The following PID1 variants were observed in gnomAD, a reference collection of about 807,000 sequenced individuals.
PID1 encodes PTB-containing, cubilin and LRP1-interacting protein.
In PID1, 10 loss-of-function variants were observed where a neutral mutation model predicts 19.1. The ratio of observed to expected loss-of-function variants is 0.52; its 90% CI spans 0.32 to 0.89. PID1 has a LOEUF of 0.89. PID1 is among the 40% of genes least tolerant of loss of function. The probability of loss-of-function intolerance (pLI) is 0.03; values close to 1 mark genes in which losing one functional copy is unlikely to be tolerated. For missense variants in PID1, 248 were observed against 285.3 expected (o/e 0.87, Z 0.94); for synonymous variants, 130 against 116.0 (o/e 1.12, Z -0.78).
intron 2 of PID1, among the ~76,000 whole-genome samples, chr2:229,139,146 A>AAGCAAGC: frequency 2.8e-5 from 3 of 109,034 alleles, no homozygotes; most frequent in South Asian, 4.5e-4. Flanking sequence ...AGAAAGAAAG[A>AAGCAAGC]AAGCAAGCGA....
At chr2:229,111,764 G>A (rs952773406) in intron 2 of PID1, among the ~76,000 whole-genome samples, 2 of 152,238 alleles carry the variant, frequency 1.3e-5, no homozygotes, top group East Asian at 1.9e-4. Flanking sequence ...TACTGATAGC[G>A]AAGTAAAGTG....
chr2:229,164,509 C>T (rs777410583), intron 1 of PID1, among the ~76,000 whole-genome samples: 3 of 152,144 alleles, frequency 2.0e-5, no homozygotes, highest in African/African-American at 4.8e-5. Flanking sequence ...GAGTTATTCC[C>T]ACATGCCCCT....
chr2:229,197,238 T>C (rs935391099), intron 1 of PID1, among the ~76,000 whole-genome samples: 3 of 152,080 alleles, frequency 2.0e-5, no homozygotes, highest in African/African-American at 7.2e-5. Context: ...GGCAACTTAA[T>C]TGATATAACC....
chr2:229,192,324 C>T (rs1691278020), intron 1 of PID1, among the ~76,000 whole-genome samples: 1 of 152,086 alleles, frequency 6.6e-6, no homozygotes. Flanking sequence ...AGTATGACTT[C>T]CTTACAACCT....
chr2:229,044,097 G>T (rs917741265), intron 2 of PID1, among the ~76,000 whole-genome samples: 3 of 152,046 alleles, frequency 2.0e-5, no homozygotes, highest in Non-Finnish European at 4.4e-5. Context: ...ATTGTTTTAG[G>T]AAATGTCTCT....
At chr2:229,141,645 G>A (rs991021539) in intron 2 of PID1, among the ~76,000 whole-genome samples, 5 of 152,056 alleles carry the variant, frequency 3.3e-5, no homozygotes, top group Non-Finnish European at 7.4e-5. Flanking sequence ...ATCAATGTGG[G>A]GGGGGAACTA....
intron 1 of PID1, among the ~76,000 whole-genome samples, chr2:229,189,029 T>C (rs914095024): frequency 3.9e-5 from 6 of 152,138 alleles, no homozygotes; most frequent in Admixed American, 2.0e-4. Context: ...TGAAAAAAAT[T>C]GAACTTCTTA....
rs369017136 is a variant in PID1, at chr2:229,155,581, AC to A, written c.177+236del. On this transcript the variant is annotated intron_variant, in intron 2 of 2. Transcript: ENST00000392055. ...GAGCGAGACTCCGTCTCAAAAAAAAACAAAAACAAAAAAACCCTAGGTCTTT... is the reference window on the plus strand; with the variant it reads ...GAGCGAGACTCCGTCTCAAAAAAAAAAAAAACAAAAAAACCCTAGGTCTTT... Among the ~76,000 whole-genome samples, 84 of 151,106 alleles carry A rather than the reference AC, an allele frequency of 5.6e-4. 9 individuals carry two copies. Among genetic ancestry groups the A allele is most frequent in the Non-Finnish European group, 5.5e-4 (37 of 67,506 alleles).
At chr2:229,067,093 G>A (rs1694342977) in intron 2 of PID1, among the ~76,000 whole-genome samples, 2 of 152,084 alleles carry the variant, frequency 1.3e-5, no homozygotes, top group South Asian at 4.1e-4. Context: ...AAGCAAACAC[G>A]TTCTTCTTCA....
chr2:229,048,398 AG>A (rs1693925818), intron 2 of PID1, among the ~76,000 whole-genome samples: 1 of 152,166 alleles, frequency 6.6e-6, no homozygotes, highest in Non-Finnish European at 1.5e-5. Flanking sequence ...AATCCTCTGG[AG>A]GGTCTCTCGA....
At chr2:229,064,556 A>G (rs944329023) in intron 2 of PID1, among the ~76,000 whole-genome samples, 8 of 152,188 alleles carry the variant, frequency 5.3e-5, no homozygotes, top group African/African-American at 1.4e-4. Flanking sequence ...GACTTCCTCA[A>G]AACATAAGTA....
At chr2:229,081,695 T>A (rs1268701883) in intron 2 of PID1, among the ~76,000 whole-genome samples, 1 of 152,214 alleles carries the variant, frequency 6.6e-6, no homozygotes, top group African/African-American at 2.4e-5. Flanking sequence ...GCTGCTTTAG[T>A]TCCTTCCATT....
intron 1 of PID1, among the ~76,000 whole-genome samples, chr2:229,223,082 A>G (rs1371466766): frequency 3.9e-5 from 6 of 152,160 alleles, no homozygotes; most frequent in Non-Finnish European, 7.3e-5. Context: ...CTCAGGACAA[A>G]TTCCCAGGAG....
In PID1 at chr2:229,043,387, G is replaced by A. The variant is rs188269076; in HGVS notation, c.178-17279C>T. ...AAGTACTGATAATATAGAGGCTTAT[G>A]GATTGTAATTTTGAATGGTGTCTAG... On this transcript the variant is annotated intron_variant, in intron 2 of 2. Transcript: ENST00000392055. 1.1e-3 allele frequency among the ~76,000 whole-genome samples: 164 copies of A among 152,176 alleles called. 1 individual carries two copies. The highest frequency in any genetic ancestry group is 3.7e-3 in the African/African-American group (154 of 41,546).
At position 229,039,107 on chromosome 2, in the gene PID1, G is replaced by A. The variant is rs79607265; in HGVS notation, c.178-12999C>T. Among the ~76,000 whole-genome samples, 944 of 152,218 alleles carry A rather than the reference G, an allele frequency of 6.2e-3. 20 individuals are homozygous for A. Among genetic ancestry groups the A allele is most frequent in the East Asian group, 0.052 (269 of 5,170 alleles). On this transcript the variant is annotated intron_variant, in intron 2 of 2. Coordinates refer to ENST00000392055, the MANE Select transcript of PID1 (RefSeq NM_001100818.2). ...CGATTTGAGCCAGACCATATATAAC[G>A]CAGCGAGAAAGGACTGAGGGTGCTG...
intron 1 of PID1, among the ~76,000 whole-genome samples, chr2:229,257,158 C>T (rs1690322734): frequency 6.6e-6 from 1 of 152,146 alleles, no homozygotes; most frequent in African/African-American, 2.4e-5. Flanking sequence ...ATTGTTTTTC[C>T]AACTGAGTCA....
In PID1 at chr2:229,066,177, G is replaced by A. The variant is rs1338616695; in HGVS notation, c.178-40069C>T. Among the ~76,000 whole-genome samples, 5 of 152,034 alleles carry A rather than the reference G, an allele frequency of 3.3e-5. No individual in the cohort carries two copies. The South Asian group carries it at 6.2e-4, about 19-fold the overall frequency. ...ATGAGCACAATAGGAGCCAGCATAC[G>A]GTAGAATCCAGATTCTATCCATTCA... On this transcript the variant is annotated intron_variant, in intron 2 of 2. Coordinates refer to ENST00000392055, the MANE Select transcript of PID1 (RefSeq NM_001100818.2).
At chr2:229,228,112 C>T (rs1433319535) in intron 1 of PID1, 1 of 450,422 alleles carries the variant, frequency 2.2e-6, no homozygotes, top group South Asian at 1.6e-5. Context: ...CACACCAAAT[C>T]CAAGAGAATC....
chr2:229,028,828 C>T (rs1336662870), intron 2 of PID1, among the ~76,000 whole-genome samples: 1 of 152,204 alleles, frequency 6.6e-6, no homozygotes, highest in Non-Finnish European at 1.5e-5. Context: ...GTATTATGAG[C>T]TGTTGCCCAA....
Sources: gnomAD v4.1 joint callset for allele counts (sites outside exome capture counted in the v4.1 genomes callset) on GRCh38, gnomAD v4.1.1 for gene constraint, MANE v1.5 for transcripts, NCBI Gene and HGNC (gene_info 2026-07-23, HGNC 2026-07-21) for gene names.